Variants in USP25 observed in about 807,000 individuals in gnomAD.
USP25 encodes the protein ubiquitin carboxyl-terminal hydrolase 25.
USP25 carries 85 observed loss-of-function variants against 158.5 expected under a neutral mutation model. The ratio of observed to expected loss-of-function variants is 0.54; its 90% CI spans 0.45 to 0.64. The LOEUF (loss-of-function observed/expected upper bound fraction) is 0.64, where lower values mean the gene tolerates loss of function less well. Ranked by LOEUF, USP25 falls within the 30% of genes least tolerant of loss-of-function variation. The probability of loss-of-function intolerance (pLI) is 0.00; values close to 1 mark genes in which losing one functional copy is unlikely to be tolerated. For synonymous variants in USP25, 464 were observed against 460.4 expected, an observed-to-expected ratio of 1.01 and a Z score of -0.10; for missense variants, 1,242 against 1,327.3, an observed-to-expected ratio of 0.94 and a Z score of 1.00.
intron 12 of USP25, among the ~76,000 whole-genome samples, chr21:15,825,332 C>T (rs2146358075): frequency 6.6e-6 from 1 of 152,200 alleles, no homozygotes; most frequent in East Asian, 1.9e-4. Flanking sequence ...TTTTGACCTT[C>T]CTTTTTGCAT....
chr21:15,740,639 C>CT (rs2031950062), intron 1 of USP25, among the ~76,000 whole-genome samples: 2 of 37,414 alleles, frequency 5.3e-5, no homozygotes, highest in African/African-American at 7.9e-5. Context: ...TTCTTTCTGG[C>CT]TGTTTTTTTT....
chr21:15,848,551 A>AG, intron 19 of USP25, among the ~76,000 whole-genome samples: 1 of 151,938 alleles, frequency 6.6e-6, no homozygotes, highest in African/African-American at 2.4e-5. Flanking sequence ...GTAGTGGGGG[A>AG]GGGGGGTGAT....
At chr21:15,745,047 C>G (rs1419617166) in intron 1 of USP25, 1 of 152,460 alleles carries the variant, frequency 6.6e-6, no homozygotes, top group Non-Finnish European at 1.5e-5. Flanking sequence ...CTCCCTTCCC[C>G]TCCCTTCCCA....
chr21:15,780,994 GAT>G (rs746419921), intron 4 of USP25, among the ~76,000 whole-genome samples: 6 of 152,192 alleles, frequency 3.9e-5, no homozygotes, highest in East Asian at 1.9e-4. Context: ...GATTATAGAT[GAT>G]CTGGAAAAGT....
chr21:15,796,736 C>T (rs1194346040), intron 5 of USP25, among the ~76,000 whole-genome samples: 2 of 151,302 alleles, frequency 1.3e-5, no homozygotes, highest in African/African-American at 4.8e-5. Flanking sequence ...TAAATTCTCT[C>T]TTAGAAGATA....
intron 4 of USP25, among the ~76,000 whole-genome samples, chr21:15,782,830 C>A (rs1300320172): frequency 6.6e-6 from 1 of 152,120 alleles, no homozygotes; most frequent in Non-Finnish European, 1.5e-5. Flanking sequence ...AACATAGAGA[C>A]AGAAGAATCA....
At chr21:15,762,124 C>T (rs2033761659) in intron 1 of USP25, among the ~76,000 whole-genome samples, 1 of 124,574 alleles carries the variant, frequency 8.0e-6, no homozygotes, top group South Asian at 2.4e-4. Context: ...TGTGAAACAT[C>T]TTTTTAAAAA....
chr21:15,751,559 A>G (rs182735728), intron 1 of USP25, among the ~76,000 whole-genome samples: 361 of 152,304 alleles, frequency 2.4e-3, no homozygotes, highest in African/African-American at 8.2e-3. Flanking sequence ...CTATAATAGG[A>G]ATCTGATTAT....
chr21:15,814,387 T>C (rs1399588048), intron 9 of USP25, among the ~76,000 whole-genome samples: 2 of 151,754 alleles, frequency 1.3e-5, no homozygotes, highest in African/African-American at 4.8e-5. Context: ...TACCTGAAAA[T>C]GTGGAAGCAA....
intron 18 of USP25, among the ~76,000 whole-genome samples, chr21:15,846,652 T>C (rs1315894180): frequency 2.0e-5 from 3 of 152,194 alleles, no homozygotes; most frequent in African/African-American, 7.2e-5. Flanking sequence ...ATGTTTTTTG[T>C]AATATCAAAA....
At chr21:15,813,594 G>A (rs998582725) in intron 9 of USP25, among the ~76,000 whole-genome samples, 5 of 152,020 alleles carry the variant, frequency 3.3e-5, no homozygotes, top group Non-Finnish European at 5.9e-5. Context: ...TACTTCATTC[G>A]TTTTTTCTTG....
chr21:15,741,910 AAAT>A (rs551564029), intron 1 of USP25, among the ~76,000 whole-genome samples: 15 of 152,336 alleles, frequency 9.8e-5, no homozygotes, highest in African/African-American at 3.4e-4. Flanking sequence ...AGTAAATATT[AAAT>A]TTATCTCTTT....
intron 20 of USP25, among the ~76,000 whole-genome samples, chr21:15,859,970 T>C (rs1465064573): frequency 7.6e-6 from 1 of 132,108 alleles, no homozygotes; most frequent in African/African-American, 3.3e-5. Flanking sequence ...TATATATATG[T>C]ATATATATAT....
chr21:15,849,862 G>T lies in USP25; in HGVS notation c.2537G>T (p.Gly846Val). The T allele has an allele frequency of 6.6e-7, 1 of 1,508,068 alleles. No individual in the cohort carries two copies. The highest frequency in any genetic ancestry group is 8.9e-7 in the Non-Finnish European group (1 of 1,127,646). The allele number at this position is 1,508,068 out of a possible 1,614,324, so 93.4% of individuals were successfully genotyped here. The change falls in exon 20 of 26, where the codon GGG (glycine) becomes GTG (valine). Residue 846 changes from glycine to valine, a missense_variant. Gly to Val is a moderately radical substitution (Grantham distance 109). Around this residue, in one of 3 missense-constraint regions of USP25, gnomAD observed 608 missense variants for 605.2 expected, o/e 1.00. Transcript: ENST00000400183. ...SVYDRCGPEA[G>V]FFKAIKLEYA... ...TATGACAGGTGTGGCCCTGAAGCAG[G>T]GTTCTTTAAGGTACAATGAACATTT...
At chr21:15,849,359 A>G (rs987728083) in intron 19 of USP25, among the ~76,000 whole-genome samples, 7 of 152,192 alleles carry the variant, frequency 4.6e-5, no homozygotes, top group African/African-American at 1.7e-4. Flanking sequence ...CAGTTCTGCA[A>G]GGATGACTAG....
chr21:15,756,094 A>G (rs374669372), intron 1 of USP25, among the ~76,000 whole-genome samples: 5 of 152,300 alleles, frequency 3.3e-5, no homozygotes, highest in East Asian at 3.9e-4. Context: ...AAGAATAGTC[A>G]AAAGAATAGG....
chr21:15,864,594 T>C, intron 21 of USP25, 148 bp downstream of exon 21: 1 of 713,430 alleles, frequency 1.4e-6, no homozygotes, highest in Non-Finnish European at 2.2e-6. Flanking sequence ...TCAATGTGAC[T>C]AGTTGCTGGA....
At position 15,818,746 on chromosome 21, in the gene USP25, T is replaced by G; in HGVS notation, c.980T>G (p.Val327Gly). The stretch of plus-strand genomic sequence containing the variant: ...ATGTTTGGTCAGTACCCACTTCAGG[T>G]CAATGGGTTCAAAGATCTGCATGAG... ...TEMFGQYPLQVNGFKDLHECL... is the reference protein window; with the variant it reads ...TEMFGQYPLQGNGFKDLHECL... Residue 327 changes from valine to glycine, a missense_variant, in exon 10 of 26, where the codon GTC becomes GGC. This residue lies in a region of USP25 where 627 missense variants were observed against 701.4 expected (regional missense o/e 0.89). Coordinates refer to ENST00000400183, the MANE Select transcript of USP25 (RefSeq NM_001283041.3). 1 of 1,613,682 alleles carries G rather than the reference T, an allele frequency of 6.2e-7. No individual in the cohort carries two copies. The highest frequency in any genetic ancestry group is 8.5e-7 in the Non-Finnish European group (1 of 1,179,658).
intron 1 of USP25, among the ~76,000 whole-genome samples, chr21:15,760,692 A>T (rs2033671457): frequency 6.6e-6 from 1 of 152,240 alleles, no homozygotes; most frequent in African/African-American, 2.4e-5. Flanking sequence ...AGAACATTTT[A>T]AAACTTTTTA....
Sources: gnomAD v4.1 joint callset for allele counts (sites outside exome capture counted in the v4.1 genomes callset) on GRCh38, gnomAD v4.1.1 for gene constraint, gnomAD v4.1.1 regional missense constraint, MANE v1.5 for transcripts, NCBI Gene and HGNC (gene_info 2026-07-23, HGNC 2026-07-21) for gene names.